Variants in GADL1 observed in about 807,000 individuals in gnomAD.
The protein encoded by GADL1 is GAD like acidic amino acid decarboxylase 1.
In GADL1, 71 loss-of-function variants were observed where a neutral mutation model predicts 69.5. That is an observed-to-expected ratio of 1.02 (90% CI 0.84 to 1.25). The LOEUF is 1.25. Among genes scored for constraint, GADL1 ranks in the 50% most tolerant of loss-of-function variants. The pLI is 0.00. For synonymous variants in GADL1, 254 were observed against 214.4 expected, an observed-to-expected ratio of 1.18 and a Z score of -1.62; for missense variants, 737 against 631.8, an observed-to-expected ratio of 1.17 and a Z score of -1.79.
chr3:30,820,498 G>C (rs1485765438), intron 11 of GADL1, among the ~76,000 whole-genome samples: 2 of 152,132 alleles, frequency 1.3e-5, no homozygotes, highest in East Asian at 3.9e-4. Flanking sequence ...TAGCAATCTG[G>C]TGAAGTAGTT....
intron 14 of GADL1, among the ~76,000 whole-genome samples, chr3:30,738,677 G>A (rs1695573943): frequency 6.6e-6 from 1 of 152,092 alleles, no homozygotes; most frequent in African/African-American, 2.4e-5. Context: ...ATGGGCAGTG[G>A]TCCAATATTT....
intron 1 of GADL1, among the ~76,000 whole-genome samples, chr3:30,867,226 C>T (rs1167397700): frequency 6.6e-6 from 1 of 151,718 alleles, no homozygotes; most frequent in East Asian, 1.9e-4. Context: ...GAAGTATTCC[C>T]ATTTATATTA....
In GADL1 at chr3:30,765,595, C is replaced by T. The variant is rs540567516; in HGVS notation, c.1392+12584G>A. 5.9e-5 allele frequency among the ~76,000 whole-genome samples: 9 copies of T among 152,330 alleles called. No homozygotes were observed. In the East Asian group the frequency reaches 1.5e-3, roughly 26 times the overall value. On this transcript the variant is annotated intron_variant, in intron 14 of 14. Transcript: ENST00000282538. ...ACCTGTGCAGCTGAACAAGGCCCTG[C>T]CCTCAGAAGGGCATGCTTGGTTTAA...
chr3:30,875,476 C>T (rs1010704794), intron 1 of GADL1, among the ~76,000 whole-genome samples: 7 of 151,846 alleles, frequency 4.6e-5, no homozygotes, highest in Admixed American at 1.3e-4. Flanking sequence ...GCAGACAAGA[C>T]TGTTCAGTTA....
intron 12 of GADL1, among the ~76,000 whole-genome samples, chr3:30,789,632 C>T (rs1454692019): frequency 6.6e-6 from 1 of 152,176 alleles, no homozygotes; most frequent in Non-Finnish European, 1.5e-5. Context: ...ACATTGAAAA[C>T]CTGTTTAATG....
chr3:30,892,419 C>A (rs908775703), intron 1 of GADL1, among the ~76,000 whole-genome samples: 1 of 152,216 alleles, frequency 6.6e-6, no homozygotes, highest in African/African-American at 2.4e-5. Flanking sequence ...GATACCATAG[C>A]AAGCATTTGG....
intron 1 of GADL1, among the ~76,000 whole-genome samples, chr3:30,893,332 A>G (rs1321964475): frequency 1.3e-5 from 2 of 152,020 alleles, no homozygotes; most frequent in Non-Finnish European, 2.9e-5. Context: ...ACACATACAT[A>G]CATTGTTTAA....
intron 2 of GADL1, among the ~76,000 whole-genome samples, chr3:30,861,262 G>A (rs111635997): frequency 0.015 from 2,300 of 151,732 alleles, 52 homozygotes; most frequent in African/African-American, 0.052. Context: ...AGAGAGTTGC[G>A]TAAGTGAGAT....
chr3:30,755,486 G>GA (rs1359558729), intron 14 of GADL1, among the ~76,000 whole-genome samples: 1 of 152,188 alleles, frequency 6.6e-6, no homozygotes, highest in African/African-American at 2.4e-5. Flanking sequence ...TAACCTGAAA[G>GA]ATAAGTGAAG....
At chr3:30,747,700 T>C (rs1695729230) in intron 14 of GADL1, among the ~76,000 whole-genome samples, 1 of 152,196 alleles carries the variant, frequency 6.6e-6, no homozygotes, top group Non-Finnish European at 1.5e-5. Context: ...AGAATATGAA[T>C]GAAAGATTTA....
intron 14 of GADL1, among the ~76,000 whole-genome samples, chr3:30,770,403 T>A (rs1421296170): frequency 6.6e-6 from 1 of 152,220 alleles, no homozygotes; most frequent in Non-Finnish European, 1.5e-5. Context: ...TAAACTTGGC[T>A]CATGTGCAAA....
At chr3:30,867,439 T>TATATATATATATATATATATATATAC (rs1319135425) in intron 1 of GADL1, among the ~76,000 whole-genome samples, 2,644 of 138,082 alleles carry the variant, frequency 0.019, 58 homozygotes, top group East Asian at 0.036. Context: ...TATATATATA[T>TATATATATATATATATATATATATAC]ACACATATAT....
At chr3:30,878,684 C>T (rs890227090) in intron 1 of GADL1, among the ~76,000 whole-genome samples, 6 of 151,884 alleles carry the variant, frequency 4.0e-5, no homozygotes, top group Non-Finnish European at 5.9e-5. Flanking sequence ...TATCCAAAGA[C>T]AGTGCCAGTG....
intron 11 of GADL1, among the ~76,000 whole-genome samples, chr3:30,802,512 C>G (rs1319815): frequency 0.4 from 60,506 of 152,022 alleles, 14,017 homozygotes; most frequent in African/African-American, 0.65. Context: ...GTAGACATGG[C>G]GGTCCTAGAA....
chr3:30,771,724 C>T (rs914831451), intron 14 of GADL1, among the ~76,000 whole-genome samples: 1 of 152,010 alleles, frequency 6.6e-6, no homozygotes, highest in African/African-American at 2.4e-5. Flanking sequence ...GTTCACAGTC[C>T]AAAAATGAGT....
chr3:30,758,212 GCCAAGTACTATCCA>G lies in GADL1; in HGVS notation c.1392+19953_1392+19966del, dbSNP rs559530375. ...TTGCCTTTGTAGTACATTCCTATCT[GCCAAGTACTATCCA>G]CATACAGTTGCATGCACCAAGTATG... is the stretch of plus-strand genomic sequence containing the variant. On this transcript the variant is annotated intron_variant, in intron 14 of 14. Coordinates refer to ENST00000282538, the MANE Select transcript of GADL1 (RefSeq NM_207359.3). 7.0e-4 allele frequency among the ~76,000 whole-genome samples: 107 copies of G among 152,238 alleles called. No homozygotes were observed. In the Middle Eastern group the frequency reaches 0.014, roughly 19 times the overall value.
At chr3:30,791,890 G>C (rs141594180) in intron 12 of GADL1, among the ~76,000 whole-genome samples, 2 of 152,230 alleles carry the variant, frequency 1.3e-5, no homozygotes, top group Admixed American at 1.3e-4. Flanking sequence ...CAGTTCCCCT[G>C]CAGATGCTCT....
chr3:30,804,945 G>A (rs1361900346), intron 11 of GADL1, among the ~76,000 whole-genome samples: 2 of 152,340 alleles, frequency 1.3e-5, no homozygotes, highest in East Asian at 1.9e-4. Context: ...GCTTTTAGGA[G>A]TCTGGACCTT....
In GADL1 at chr3:30,728,384, TTCA is replaced by T. The variant is rs1324679561; in HGVS notation, c.1421_1423del (p.Met474del). 1.1e-5 allele frequency: 18 copies of T among 1,613,674 alleles called. No homozygotes were observed. Among genetic ancestry groups the T allele is most frequent in the Non-Finnish European group, 1.5e-5 (18 of 1,179,828 alleles). ...GTAGCCCAGCATCAAGCTTCCCTTC[TTCA>T]TCATCCTCTCCTTAATGGCTGGGGC... On this transcript the variant is annotated inframe_deletion, in exon 15 of 15. Coordinates refer to ENST00000282538, the MANE Select transcript of GADL1 (RefSeq NM_207359.3).
Sources: gnomAD v4.1 joint callset for allele counts (sites outside exome capture counted in the v4.1 genomes callset) on GRCh38, gnomAD v4.1.1 for gene constraint, MANE v1.5 for transcripts, NCBI Gene and HGNC (gene_info 2026-07-23, HGNC 2026-07-21) for gene names.